Variants in CIMAP2 observed in about 807,000 individuals in gnomAD.
CIMAP2 encodes the protein ciliary microtubule-associated protein 2.
the CIMAP2 span, chr1:54,811,768 T>TGGGGGGGG: frequency 5.6e-6 from 3 of 533,346 alleles, no homozygotes; most frequent in Non-Finnish European, 1.1e-5. Context: ...TCTGACAGCC[T>TGGGGGGGG]CCATGCCCCC....
chr1:54,820,052 C>T, the CIMAP2 span, among the ~76,000 whole-genome samples: 2 of 143,082 alleles, frequency 1.4e-5, no homozygotes, highest in Non-Finnish European at 3.0e-5. Flanking sequence ...TTCCTTCCTT[C>T]TTCCCTCCCT....
the CIMAP2 span, among the ~76,000 whole-genome samples, chr1:54,808,618 A>AGGGGGGGG: frequency 2.7e-4 from 22 of 82,254 alleles, no homozygotes; most frequent in East Asian, 5.9e-3. Flanking sequence ...CTGCCGGGGG[A>AGGGGGGGG]GGGCAGTGGA....
At chr1:54,810,850 T>A in the CIMAP2 span, among the ~76,000 whole-genome samples, 1 of 152,214 alleles carries the variant, frequency 6.6e-6, no homozygotes, top group African/African-American at 2.4e-5. Context: ...ACTTCTCATG[T>A]GCCAGTGTCC....
At chr1:54,830,010 CTTG>C in the CIMAP2 span, among the ~76,000 whole-genome samples, 1 of 151,978 alleles carries the variant, frequency 6.6e-6, no homozygotes, top group South Asian at 2.1e-4. The surrounding 1 kb of genome is among the most constrained non-coding windows in gnomAD (Gnocchi z 4.1). Flanking sequence ...CTCTGGGGCA[CTTG>C]TTGATTATGG....
At chr1:54,819,482 T>C in the CIMAP2 span, among the ~76,000 whole-genome samples, 2 of 152,232 alleles carry the variant, frequency 1.3e-5, no homozygotes, top group Admixed American at 1.3e-4. Context: ...AATCCTCACC[T>C]TGGTCTCCCA....
chr1:54,814,186 G>T, the CIMAP2 span, among the ~76,000 whole-genome samples: 4 of 152,178 alleles, frequency 2.6e-5, no homozygotes, highest in African/African-American at 9.7e-5. Context: ...ATGGTGAAGT[G>T]GTTGTGGGAA....
At chr1:54,825,222 TTC>T in the CIMAP2 span, among the ~76,000 whole-genome samples, 1 of 151,548 alleles carries the variant, frequency 6.6e-6, no homozygotes, top group Non-Finnish European at 1.5e-5. Flanking sequence ...AGCTAATTTT[TTC>T]TGTTTTTTAG....
At chr1:54,820,621 A>G in the CIMAP2 span, among the ~76,000 whole-genome samples, 4 of 152,162 alleles carry the variant, frequency 2.6e-5, no homozygotes, top group African/African-American at 9.7e-5. Context: ...GATAGTAGCC[A>G]TCTTAACTGG....
At chr1:54,809,364 C>T in the CIMAP2 span, among the ~76,000 whole-genome samples, 4 of 152,164 alleles carry the variant, frequency 2.6e-5, no homozygotes, top group East Asian at 5.8e-4. Flanking sequence ...GCAGATGCAC[C>T]TTCAGGTGCA....
At chr1:54,812,141 C>G in the CIMAP2 span, 3 of 1,614,244 alleles carry the variant, frequency 1.9e-6, no homozygotes, top group East Asian at 4.5e-5. Context: ...ATGACACTTT[C>G]TCTGGTGATC....
the CIMAP2 span, among the ~76,000 whole-genome samples, chr1:54,838,890 C>A: frequency 2.6e-5 from 4 of 151,464 alleles, no homozygotes; most frequent in Non-Finnish European, 5.9e-5. Flanking sequence ...TTCTGTTGGC[C>A]AAAGCAAGTT....
At chr1:54,837,529 A>G in the CIMAP2 span, among the ~76,000 whole-genome samples, 1 of 152,136 alleles carries the variant, frequency 6.6e-6, no homozygotes, top group African/African-American at 2.4e-5. Context: ...AGCACTGCAC[A>G]GCAGGGTACT....
chr1:54,835,863 C>T, the CIMAP2 span, among the ~76,000 whole-genome samples: 2 of 152,066 alleles, frequency 1.3e-5, no homozygotes, highest in Non-Finnish European at 2.9e-5. Context: ...CCCACTCTTT[C>T]CCCCGAAGCT....
At chr1:54,812,727 G>A in the CIMAP2 span, among the ~76,000 whole-genome samples, 6 of 152,192 alleles carry the variant, frequency 3.9e-5, no homozygotes. Context: ...ATTAGGTTTT[G>A]TCTAATTGCC....
the CIMAP2 span, chr1:54,813,775 T>A: frequency 6.4e-7 from 1 of 1,555,906 alleles, no homozygotes; most frequent in Non-Finnish European, 8.7e-7. Flanking sequence ...CTCTTGATTT[T>A]CCTGGCATAG....
chr1:54,821,899 T>TGTC, the CIMAP2 span, among the ~76,000 whole-genome samples: 63 of 80,182 alleles, frequency 7.9e-4, no homozygotes, highest in South Asian at 1.5e-3. Context: ...TTTTTTTTTT[T>TGTC]TTTTTTTTTT....
chr1:54,825,099 G>A, the CIMAP2 span, among the ~76,000 whole-genome samples: 1 of 142,346 alleles, frequency 7.0e-6, no homozygotes, highest in Admixed American at 7.3e-5. Flanking sequence ...ACCCAGGCTG[G>A]AGTGCAGTGG....
At chr1:54,807,747 G>T in the CIMAP2 span, 2 of 1,532,400 alleles carry the variant, frequency 1.3e-6, no homozygotes, top group Non-Finnish European at 1.8e-6. Context: ...CCTGTCCATT[G>T]CAGCTGCTCT....
chr1:54,820,033 CTTCATTCA>C, the CIMAP2 span, among the ~76,000 whole-genome samples: 2 of 105,268 alleles, frequency 1.9e-5, no homozygotes, highest in African/African-American at 7.5e-5. Context: ...TCCTTCCTTC[CTTCATTCA>C]TTCCTTCCTT....
Sources: gnomAD v4.1 joint callset for allele counts (sites outside exome capture counted in the v4.1 genomes callset) on GRCh38, gnomAD v4.1.1 for gene constraint, Gnocchi (gnomAD v3.1) non-coding constraint, MANE v1.5 for transcripts, NCBI Gene and HGNC (gene_info 2026-07-23, HGNC 2026-07-21) for gene names.